Variants in UBE2C observed in about 807,000 individuals in gnomAD.
The protein encoded by UBE2C is ubiquitin conjugating enzyme E2 C.
Under a neutral mutation model 23.5 loss-of-function variants are expected in UBE2C, and 16 were observed. The observed-to-expected ratio is 0.68, with a 90% CI of 0.46 to 1.03. The LOEUF (loss-of-function observed/expected upper bound fraction) is 1.03. Among genes scored for constraint, UBE2C ranks in the 50% least tolerant of loss-of-function variants. The probability of loss-of-function intolerance (pLI) is 0.00; values close to 1 mark genes in which losing one functional copy is unlikely to be tolerated. For synonymous variants in UBE2C, 76 were observed against 91.6 expected (o/e 0.83, Z 0.97); for missense variants, 192 against 227.6 (o/e 0.84, Z 1.01).
At chr20:45,814,503 T>TG in intron 3 of UBE2C, 33 bp downstream of exon 3, 2 of 1,561,302 alleles carry the variant, frequency 1.3e-6, no homozygotes, top group Non-Finnish European at 1.8e-6. Flanking sequence ...TGAGTGAGTC[T>TG]GGGGAAAGGT....
At chr20:45,813,069 G>A (rs1008803155) in intron 1 of UBE2C, 39 of 1,407,948 alleles carry the variant, frequency 2.8e-5, no homozygotes, top group Non-Finnish European at 2.9e-5. Context: ...CTCTCCCGAA[G>A]GAGAATGGGA....
intron 1 of UBE2C, 94 bp downstream of exon 1, chr20:45,812,890 T>C: frequency 4.1e-6 from 6 of 1,453,282 alleles, no homozygotes; most frequent in Non-Finnish European, 5.5e-6. Flanking sequence ...CGCCGCCACC[T>C]CCTGGAGCGG....
At position 45,812,704 on chromosome 20, in the gene UBE2C, C is replaced by T. The variant is rs1982018833; in HGVS notation, c.9C>T (p.Ser3=). ...CTGCCAACGCCGCCCGGATGGCTTC[C>T]CAAAACCGCGACCCAGCCGCCACTA... is the stretch of plus-strand genomic sequence containing the variant. The part of the protein sequence containing the change: MA[S]QNRDPAATSV... The change falls in exon 1 of 6, where the codon TCC becomes TCT. Residue 3 remains serine (S), a synonymous_variant. Transcript: ENST00000356455. The T allele has an allele frequency of 1.3e-6, 2 of 1,551,370 alleles. No individual in the cohort carries two copies. Among genetic ancestry groups the T allele is most frequent in the South Asian group, 1.2e-5 (1 of 84,122 alleles).
chr20:45,815,565 C>T lies in UBE2C; in HGVS notation c.241C>T (p.Leu81Phe). The T allele has an allele frequency of 6.2e-7, 1 of 1,614,058 alleles. No homozygotes were observed. The highest frequency in any genetic ancestry group is 8.5e-7 in the Non-Finnish European group (1 of 1,180,002). Residue 81 changes from leucine to phenylalanine, a missense_variant, in exon 4 of 6, where the codon CTC becomes TTC. Physicochemically the swap from Leu to Phe is conservative, Grantham distance 22. Coordinates refer to ENST00000356455, the MANE Select transcript of UBE2C (RefSeq NM_007019.4). ...GGTATATGAAGACCTGAGGTATAAG[C>T]TCTCGCTAGAGTTCCCCAGTGGCTA... The part of the protein sequence containing the change: ...GTVYEDLRYK[L>F]SLEFPSGYPY...
At chr20:45,813,487 C>T (rs754924128) in intron 2 of UBE2C, 23 bp downstream of exon 2, 2 of 1,614,106 alleles carry the variant, frequency 1.2e-6, no homozygotes, top group Admixed American at 3.3e-5. Context: ...GTGCCCAGAA[C>T]CCCAGCCTTC....
intron 3 of UBE2C, among the ~76,000 whole-genome samples, chr20:45,815,191 G>A (rs1040981780): frequency 6.6e-6 from 1 of 151,994 alleles, no homozygotes; most frequent in African/African-American, 2.4e-5. Context: ...ACAATCCTTA[G>A]ACCAAAGAGT....
chr20:45,813,533 CTT>C (rs1386995081), intron 2 of UBE2C, 69 bp downstream of exon 2: 3 of 1,607,560 alleles, frequency 1.9e-6, no homozygotes, highest in Non-Finnish European at 8.5e-7. Flanking sequence ...TTTCCGTCAG[CTT>C]TTTTGCTAGA....
chr20:45,812,752 A>T lies in UBE2C; in HGVS notation c.57A>T (p.Gly19=). 6.4e-7 allele frequency: 1 copy of T among 1,557,812 alleles called. No individual in the cohort carries two copies. The highest frequency in any genetic ancestry group is 8.7e-7 in the Non-Finnish European group (1 of 1,150,898). The part of the protein sequence containing the change: ...AATSVAAARK[G]AEPSGGAARG... ...CTAGCGTCGCCGCCGCCCGTAAAGG[A>T]GCTGAGCCGAGCGGGGGCGCCGCCC... Residue 19 remains glycine, a synonymous_variant, in exon 1 of 6, where the codon GGA becomes GGT. Transcript: ENST00000356455.
Position 45,812,677 on chromosome 20 carries a change from C to A in UBE2C, c.-19C>A. 6.4e-7 allele frequency: 1 copy of A among 1,550,668 alleles called. No homozygotes were observed. Among genetic ancestry groups the A allele is most frequent in the South Asian group, 1.2e-5 (1 of 84,070 alleles). ...AGTCGTGTTCTCCGAGTTCCTGTCTCTCTGCCAACGCCGCCCGGATGGCTT... is the reference window on the plus strand; with the variant it reads ...AGTCGTGTTCTCCGAGTTCCTGTCTATCTGCCAACGCCGCCCGGATGGCTT... On this transcript the variant is annotated 5_prime_UTR_variant, in exon 1 of 6. Coordinates refer to ENST00000356455, the MANE Select transcript of UBE2C (RefSeq NM_007019.4).
At chr20:45,814,506 G>A (rs917604608) in intron 3 of UBE2C, 36 bp downstream of exon 3, 9 of 1,558,168 alleles carry the variant, frequency 5.8e-6, no homozygotes, top group Non-Finnish European at 7.0e-6. Context: ...GTGAGTCTGG[G>A]GAAAGGTGGG....
rs928244102 is a variant in UBE2C, at chr20:45,812,919, A to G, written c.101+123A>G. The G allele has an allele frequency of 5.2e-5, 75 of 1,438,486 alleles. 1 individual carries two copies. In the Middle Eastern group the frequency reaches 6.8e-4, roughly 13 times the overall value. 89.1% of individuals were successfully genotyped at this position (1,438,486 alleles called of 1,614,324 possible). ...GGAGCGGGAGATCTGCGGGTGCAGG[A>G]GAACACACCAGGAGCTCGGGGCCTG... On this transcript the variant is annotated intron_variant, in intron 1 of 5. Transcript: ENST00000356455.
intron 2 of UBE2C, 84 bp downstream of exon 2, chr20:45,813,548 T>G: frequency 6.3e-7 from 1 of 1,582,600 alleles, no homozygotes; most frequent in Non-Finnish European, 8.7e-7. Flanking sequence ...TTGCTAGACA[T>G]AGGGGTAATG....
At chr20:45,813,533 CT>C in intron 2 of UBE2C, 69 bp downstream of exon 2, 1 of 1,607,676 alleles carries the variant, frequency 6.2e-7, no homozygotes, top group South Asian at 1.1e-5. Context: ...TTTCCGTCAG[CT>C]TTTTTGCTAG....
chr20:45,816,378 G>A (rs952046772), intron 5 of UBE2C, among the ~76,000 whole-genome samples: 5 of 147,288 alleles, frequency 3.4e-5, no homozygotes, highest in African/African-American at 1.4e-4. Context: ...GCTCATGCCT[G>A]TAATCCTAGC....
Position 45,812,736 on chromosome 20 carries a change from C to T in UBE2C, c.41C>T (p.Ala14Val), listed in dbSNP as rs1186759513. ...CGCGACCCAGCCGCCACTAGCGTCG[C>T]CGCCGCCCGTAAAGGAGCTGAGCCG... ...QNRDPAATSV[A>V]AARKGAEPSG... The change falls in exon 1 of 6, where the codon GCC (alanine) becomes GTC (valine). Residue 14 changes from alanine (A) to valine (V), a missense_variant. Coordinates refer to ENST00000356455, the MANE Select transcript of UBE2C (RefSeq NM_007019.4). 1 of 1,554,742 alleles carries T rather than the reference C, an allele frequency of 6.4e-7. No homozygotes were observed. Among genetic ancestry groups the T allele is most frequent in the Admixed American group, 1.9e-5 (1 of 51,454 alleles).
rs565934189 is a variant in UBE2C, at chr20:45,815,714, C to T, written c.390C>T (p.Thr130=). Residue 130 remains threonine, a synonymous_variant, in exon 4 of 6, where the codon ACC becomes ACT. Transcript: ENST00000356455. Reference sequence around the variant, plus strand: ...GGTCTGCCCTGTATGATGTCAGGACCATTCTGCTCTCCATCCAGAGCCTTC... The same window carrying T: ...GGTCTGCCCTGTATGATGTCAGGACTATTCTGCTCTCCATCCAGAGCCTTC... ...EKWSALYDVR[T]ILLSIQSLLG... is the part of the protein sequence containing the mutation. 6.2e-6 allele frequency: 10 copies of T among 1,613,894 alleles called. No homozygotes were observed. The highest frequency in any genetic ancestry group is 1.1e-5 in the South Asian group (1 of 91,068).
chr20:45,812,956 G>T, intron 1 of UBE2C, 160 bp downstream of exon 1: 5 of 1,433,260 alleles, frequency 3.5e-6, no homozygotes, highest in Non-Finnish European at 2.7e-6. Flanking sequence ...CATTCCCCTG[G>T]GCATGGGTGT....
chr20:45,815,501 C>T (rs568818326), intron 3 of UBE2C, 40 bp from the exon 4 acceptor site: 7 of 1,614,180 alleles, frequency 4.3e-6, no homozygotes, highest in South Asian at 3.3e-5. Context: ...CATGAGGCTG[C>T]TGCTGGAGCT....
In UBE2C at chr20:45,814,321, C is replaced by T. The variant is rs1021626099; in HGVS notation, c.130-63C>T. On this transcript the variant is annotated intron_variant, in intron 2 of 5. Transcript: ENST00000356455. ...ATATAAAATTAAGGGGAAAGCTCAC[C>T]CACTGACCTTTGCTATGCCCAAAAG... 49 of 1,021,998 alleles carry T rather than the reference C, an allele frequency of 4.8e-5. 1 individual carries two copies. Among genetic ancestry groups the T allele is most frequent in the Admixed American group, 2.7e-4 (14 of 50,946 alleles). The allele number at this position is 1,021,998 out of a possible 1,614,324, so 63.3% of individuals were successfully genotyped here.
Sources: gnomAD v4.1 joint callset for allele counts (sites outside exome capture counted in the v4.1 genomes callset) on GRCh38, gnomAD v4.1.1 for gene constraint, MANE v1.5 for transcripts, NCBI Gene and HGNC (gene_info 2026-07-23, HGNC 2026-07-21) for gene names.